Variants in THSD4 observed in about 807,000 individuals in gnomAD.
THSD4 encodes thrombospondin type 1 domain containing 4.
In THSD4, 69 loss-of-function variants were observed where a neutral mutation model predicts 119.0. The observed-to-expected ratio is 0.58, with a 90% CI of 0.48 to 0.71. The LOEUF is 0.71. Among genes scored for constraint, THSD4 ranks in the 30% least tolerant of loss-of-function variants. THSD4 has a pLI of 0.00. For synonymous variants in THSD4, 524 were observed against 540.4 expected, an observed-to-expected ratio of 0.97 and a Z score of 0.42; for missense variants, 1,393 against 1,391.1, an observed-to-expected ratio of 1.00 and a Z score of -0.02.
intron 2 of THSD4, among the ~76,000 whole-genome samples, chr15:71,149,373 G>A (rs2040697790): frequency 6.6e-6 from 1 of 152,260 alleles, no homozygotes; most frequent in Non-Finnish European, 1.5e-5. Context: ...AGCCTCACGA[G>A]TAGCTGGGAT....
intron 1 of THSD4, among the ~76,000 whole-genome samples, chr15:71,135,222 T>TG (rs1253808158): frequency 2.6e-5 from 1 of 37,858 alleles, no homozygotes; most frequent in Admixed American, 4.0e-4. Flanking sequence ...TGTGGTGGGG[T>TG]GGGGGTAGGG....
intron 8 of THSD4, among the ~76,000 whole-genome samples, chr15:71,668,110 G>A (rs915933189): frequency 5.9e-5 from 9 of 151,866 alleles, no homozygotes; most frequent in African/African-American, 2.2e-4. Flanking sequence ...CCCTACTGAG[G>A]GATGTTTAGA....
At chr15:71,644,794 A>G (rs1270917383) in intron 7 of THSD4, among the ~76,000 whole-genome samples, 1 of 152,160 alleles carries the variant, frequency 6.6e-6, no homozygotes, top group Non-Finnish European at 1.5e-5. Flanking sequence ...AACTTATTTG[A>G]GGCAGGGATT....
chr15:71,498,057 G>T (rs571425535), intron 7 of THSD4, among the ~76,000 whole-genome samples: 4 of 152,342 alleles, frequency 2.6e-5, no homozygotes, highest in African/African-American at 9.6e-5. Flanking sequence ...GGGGTGGCAT[G>T]AAGCCAGCAT....
intron 3 of THSD4, among the ~76,000 whole-genome samples, chr15:71,210,924 T>G (rs575857971): frequency 6.4e-4 from 98 of 152,192 alleles, no homozygotes; most frequent in Non-Finnish European, 1.2e-3. Context: ...TTACAAAATA[T>G]GATGCAATAT....
intron 1 of THSD4, among the ~76,000 whole-genome samples, chr15:71,128,526 C>A (rs1303150031): frequency 3.0e-3 from 395 of 131,514 alleles, no homozygotes; most frequent in South Asian, 3.6e-3. Context: ...GACTCTGCCT[C>A]AAAAAAAAAA....
At chr15:71,699,176 A>G (rs1296481098) in intron 8 of THSD4, among the ~76,000 whole-genome samples, 1 of 151,904 alleles carries the variant, frequency 6.6e-6, no homozygotes, top group Non-Finnish European at 1.5e-5. Context: ...CAGTCTCTAA[A>G]ACTTATCAAG....
chr15:71,700,510 C>A (rs1027860593), intron 8 of THSD4, among the ~76,000 whole-genome samples: 9 of 152,226 alleles, frequency 5.9e-5, no homozygotes, highest in Admixed American at 4.6e-4. Context: ...CCAAATTAAT[C>A]CATAAATTCA....
At chr15:71,403,429 T>G (rs1183165801) in intron 6 of THSD4, among the ~76,000 whole-genome samples, 1 of 152,222 alleles carries the variant, frequency 6.6e-6, no homozygotes, top group Admixed American at 6.5e-5. Flanking sequence ...TCCAATACTA[T>G]TTTGTTTCTA....
intron 3 of THSD4, 51 bp from the exon 4 acceptor site, chr15:71,214,984 G>A: frequency 8.1e-7 from 1 of 1,229,742 alleles, no homozygotes; most frequent in Non-Finnish European, 1.0e-6. Flanking sequence ...AGCTTTTCGG[G>A]TGAAGAGAGG....
At chr15:71,148,671 C>G (rs1393413620) in intron 2 of THSD4, among the ~76,000 whole-genome samples, 1 of 152,146 alleles carries the variant, frequency 6.6e-6, no homozygotes, top group African/African-American at 2.4e-5. Context: ...GGCTGTGAAG[C>G]CACCAGGCTT....
intron 3 of THSD4, among the ~76,000 whole-genome samples, chr15:71,209,455 G>T (rs1325298126): frequency 6.6e-6 from 1 of 152,186 alleles, no homozygotes; most frequent in African/African-American, 2.4e-5. Flanking sequence ...GGGCAGATAA[G>T]GGGTATTTTT....
chr15:71,323,269 G>A (rs549963011), intron 6 of THSD4, among the ~76,000 whole-genome samples: 33 of 152,228 alleles, frequency 2.2e-4, no homozygotes, highest in African/African-American at 7.5e-4. Flanking sequence ...ATCGCAGGGG[G>A]CCATTTCAGA....
At chr15:71,588,045 G>A (rs964654221) in intron 7 of THSD4, among the ~76,000 whole-genome samples, 56 of 152,082 alleles carry the variant, frequency 3.7e-4, no homozygotes, top group African/African-American at 1.1e-3. Flanking sequence ...GGTGGCTCAC[G>A]CCTGTAATCC....
intron 4 of THSD4, among the ~76,000 whole-genome samples, chr15:71,230,652 A>G (rs1274584774): frequency 1.3e-5 from 2 of 152,180 alleles, no homozygotes; most frequent in Non-Finnish European, 2.9e-5. Context: ...GGCCTGTCTG[A>G]TGGAATACCT....
At chr15:71,689,172 A>G (rs763689772) in intron 8 of THSD4, among the ~76,000 whole-genome samples, 7 of 152,234 alleles carry the variant, frequency 4.6e-5, no homozygotes, top group Non-Finnish European at 1.0e-4. Context: ...GGAAATTTCT[A>G]CGAAGTGTTT....
At chr15:71,380,533 T>C (rs1170954552) in intron 6 of THSD4, among the ~76,000 whole-genome samples, 1 of 152,102 alleles carries the variant, frequency 6.6e-6, no homozygotes, top group Admixed American at 6.5e-5. Context: ...AAGAGAATAG[T>C]ATCAAAAGAC....
In THSD4 at chr15:71,353,970, C is replaced by G. The variant is rs145649853; in HGVS notation, c.1016-57717C>G. Reference sequence around the variant, plus strand: ...AGGAAGGAAGACACTGAAGATAGAACCCTGAGGAACATCAGAATTCCAGGG... The same window carrying G: ...AGGAAGGAAGACACTGAAGATAGAAGCCTGAGGAACATCAGAATTCCAGGG... On this transcript the variant is annotated intron_variant, in intron 6 of 17. Transcript: ENST00000261862. Among the ~76,000 whole-genome samples the G allele has an allele frequency of 3.7e-3, 562 of 152,256 alleles. 5 individuals carry two copies. The highest frequency in any genetic ancestry group is 5.9e-3 in the Non-Finnish European group (401 of 68,026).
At chr15:71,308,625 T>C (rs896974748) in intron 6 of THSD4, among the ~76,000 whole-genome samples, 10 of 152,232 alleles carry the variant, frequency 6.6e-5, no homozygotes, top group African/African-American at 2.4e-4. Context: ...TATTCCATGG[T>C]TTGGATATAT....
Sources: allele counts gnomAD v4.1 joint callset (sites outside exome capture counted in the v4.1 genomes callset), GRCh38; gene constraint gnomAD v4.1.1; transcripts MANE v1.5; gene names NCBI Gene and HGNC (gene_info 2026-07-23, HGNC 2026-07-21).